Variants in ADK observed in about 807,000 individuals in gnomAD.
ADK encodes the protein N6,N6-dimethyladenosine kinase.
Under a neutral mutation model 44.7 loss-of-function variants are expected in ADK, and 24 were observed. That is an observed-to-expected ratio of 0.54 (90% CI 0.39 to 0.76). The LOEUF (loss-of-function observed/expected upper bound fraction) is 0.76. ADK is among the 30% of genes least tolerant of loss of function. The pLI is 0.00. For missense variants in ADK, 321 were observed against 425.1 expected, an observed-to-expected ratio of 0.76 and a Z score of 2.15; for synonymous variants, 128 against 142.6, an observed-to-expected ratio of 0.90 and a Z score of 0.73.
chr10:74,546,477 A>G (rs1319512398), intron 7 of ADK, among the ~76,000 whole-genome samples: 1 of 152,148 alleles, frequency 6.6e-6, no homozygotes, highest in Admixed American at 6.5e-5. Flanking sequence ...ATTTTAAACA[A>G]TGAGAAAAAT....
intron 8 of ADK, among the ~76,000 whole-genome samples, chr10:74,596,548 TCTC>T (rs1221925379): frequency 1.3e-5 from 2 of 149,698 alleles, no homozygotes; most frequent in Non-Finnish European, 3.0e-5. Flanking sequence ...TCTCTCTCTC[TCTC>T]TTTTTTTTTT....
At chr10:74,488,373 A>ATG (rs1847344462) in intron 6 of ADK, among the ~76,000 whole-genome samples, 2 of 136,502 alleles carry the variant, frequency 1.5e-5, no homozygotes, top group Admixed American at 7.4e-5. Flanking sequence ...GGGAAAAAAG[A>ATG]CGTGTGTGTG....
chr10:74,620,330 C>CT (rs1169764082), intron 9 of ADK, among the ~76,000 whole-genome samples: 2 of 152,160 alleles, frequency 1.3e-5, no homozygotes, highest in East Asian at 3.8e-4. Context: ...GTGAGATCAA[C>CT]TTTTTTTAGC....
intron 7 of ADK, among the ~76,000 whole-genome samples, chr10:74,532,491 A>C (rs1367792097): frequency 2.0e-5 from 3 of 150,706 alleles, no homozygotes; most frequent in Non-Finnish European, 4.4e-5. Context: ...AAAAAAAAAA[A>C]CCCTTGGAAT....
chr10:74,665,674 A>G (rs911749011), intron 9 of ADK, among the ~76,000 whole-genome samples: 2 of 151,634 alleles, frequency 1.3e-5, no homozygotes, highest in Non-Finnish European at 2.9e-5. Flanking sequence ...GTTTGAGGCT[A>G]CAGTGAACCA....
At chr10:74,259,700 G>A (rs955571140) in intron 3 of ADK, among the ~76,000 whole-genome samples, 3 of 151,922 alleles carry the variant, frequency 2.0e-5, no homozygotes, top group African/African-American at 4.8e-5. Flanking sequence ...CTCGTGATCC[G>A]TCTGCCTTCG....
chr10:74,414,715 AAAAAG>A (rs964315552), intron 6 of ADK, among the ~76,000 whole-genome samples: 7 of 152,220 alleles, frequency 4.6e-5, no homozygotes, highest in Admixed American at 4.6e-4. Context: ...CATCTCAAAA[AAAAAG>A]AAAAGAAAGA....
chr10:74,588,919 T>C (rs775740200), intron 7 of ADK, among the ~76,000 whole-genome samples: 1 of 152,250 alleles, frequency 6.6e-6, no homozygotes, highest in Non-Finnish European at 1.5e-5. Context: ...CATTCTTCTC[T>C]ACATAAGAGC....
intron 1 of ADK, among the ~76,000 whole-genome samples, chr10:74,159,486 A>C (rs534058767): frequency 6.6e-6 from 1 of 152,350 alleles, no homozygotes; most frequent in Non-Finnish European, 1.5e-5. Flanking sequence ...TGAAGTGGTC[A>C]CTTGGCTACT....
chr10:74,207,747 C>T (rs981523954), intron 2 of ADK, among the ~76,000 whole-genome samples: 1 of 152,206 alleles, frequency 6.6e-6, no homozygotes, highest in East Asian at 1.9e-4. Flanking sequence ...ATGAGTCTCA[C>T]TCCCCTCAGT....
At chr10:74,628,879 A>G (rs1326730396) in intron 9 of ADK, among the ~76,000 whole-genome samples, 2 of 152,142 alleles carry the variant, frequency 1.3e-5, no homozygotes, top group Non-Finnish European at 2.9e-5. Context: ...ACTAGGAGGG[A>G]TAATCAGTCA....
intron 9 of ADK, among the ~76,000 whole-genome samples, chr10:74,662,467 G>A (rs1242032601): frequency 6.6e-6 from 1 of 152,132 alleles, no homozygotes; most frequent in Non-Finnish European, 1.5e-5. Flanking sequence ...TTTGGGTAGA[G>A]ATGAAGTTTT....
intron 8 of ADK, among the ~76,000 whole-genome samples, chr10:74,591,777 A>T (rs1306458810): frequency 1.3e-5 from 2 of 152,164 alleles, no homozygotes; most frequent in Non-Finnish European, 2.9e-5. Context: ...GAGAAGAAAG[A>T]AGTGAAAAGA....
At chr10:74,506,560 A>G (rs1163729214) in intron 6 of ADK, 1 of 153,164 alleles carries the variant, frequency 6.5e-6, no homozygotes, top group East Asian at 1.9e-4. Context: ...TTAGCATCAG[A>G]TGTCATTTTC....
rs1292478789 is a variant in ADK at position 74,576,855 on chromosome 10, C to T, written c.727-12427C>T. On this transcript the variant is annotated intron_variant, in intron 7 of 10. Coordinates refer to ENST00000539909, the MANE Select transcript of ADK (RefSeq NM_006721.4). ...GACTACAGAATACCACAAGCAGGCA[C>T]TAAGGTTGGATAATGTGTTATCTCA... 2.0e-5 allele frequency among the ~76,000 whole-genome samples: 3 copies of T among 152,150 alleles called. No homozygotes were observed. In the South Asian group the frequency reaches 6.2e-4, roughly 32 times the overall value.
At chr10:74,203,795 T>C (rs1189593702) in intron 2 of ADK, among the ~76,000 whole-genome samples, 3 of 151,682 alleles carry the variant, frequency 2.0e-5, no homozygotes, top group South Asian at 2.1e-4. Flanking sequence ...TAATTTGAGA[T>C]CCCTCACAAT....
At chr10:74,238,924 G>A (rs897014253) in intron 3 of ADK, among the ~76,000 whole-genome samples, 2 of 142,962 alleles carry the variant, frequency 1.4e-5, no homozygotes, top group African/African-American at 2.6e-5. Context: ...GTAGTGGTGC[G>A]ATCTCAGCTC....
intron 6 of ADK, among the ~76,000 whole-genome samples, chr10:74,413,546 GAA>G (rs933667841): frequency 1.3e-5 from 2 of 152,146 alleles, no homozygotes; most frequent in Non-Finnish European, 2.9e-5. Flanking sequence ...TAACAGAATT[GAA>G]AAGAGTTAAG....
At chr10:74,533,337 A>T (rs1849355993) in intron 7 of ADK, among the ~76,000 whole-genome samples, 1 of 152,206 alleles carries the variant, frequency 6.6e-6, no homozygotes, top group South Asian at 2.1e-4. Flanking sequence ...AGCCAAACCA[A>T]CGTGGATTTT....
Sources: gnomAD v4.1 joint callset for allele counts (sites outside exome capture counted in the v4.1 genomes callset) on GRCh38, gnomAD v4.1.1 for gene constraint, MANE v1.5 for transcripts, NCBI Gene and HGNC (gene_info 2026-07-23, HGNC 2026-07-21) for gene names.